TM9SF4: variants seen among roughly 807,000 people sequenced by gnomAD.
TM9SF4 encodes the protein dinucleotide oxidase disulfide thiol exchanger 3 superfamily member 4.
TM9SF4 carries 26 observed loss-of-function variants against 90.4 expected under a neutral mutation model. The ratio of observed to expected loss-of-function variants is 0.29; its 90% CI spans 0.21 to 0.40. The LOEUF (loss-of-function observed/expected upper bound fraction) is 0.40, where lower values mean the gene tolerates loss of function less well. TM9SF4 is among the 10% of genes least tolerant of loss of function. The pLI, the probability that TM9SF4 is intolerant of heterozygous loss-of-function variation, is 1.00. For missense variants in TM9SF4, 549 were observed against 834.8 expected (o/e 0.66, Z 4.22); for synonymous variants, 293 against 315.4 (o/e 0.93, Z 0.75).
intron 8 of TM9SF4, among the ~76,000 whole-genome samples, chr20:32,146,433 A>C (rs1386548273): frequency 6.6e-6 from 1 of 152,204 alleles, no homozygotes; most frequent in Non-Finnish European, 1.5e-5. Flanking sequence ...CCAGGAGCCA[A>C]CTGAAGCAGC....
intron 9 of TM9SF4, among the ~76,000 whole-genome samples, chr20:32,148,663 CTTT>C (rs1234035990): frequency 5.0e-5 from 6 of 120,134 alleles, no homozygotes; most frequent in Admixed American, 8.7e-5. Flanking sequence ...AATATTACAG[CTTT>C]TTTTTTTTTT....
rs1039806759 is a variant in TM9SF4, at chr20:32,122,841, G to A, written c.16-10172G>A. ...GCGGCTGGGAGGTGGAGGTTGTAGC[G>A]AGCCGAGATCACGCCACTTCACTCC... On this transcript the variant is annotated intron_variant, in intron 1 of 17. Transcript: ENST00000398022. Among the ~76,000 whole-genome samples the A allele has an allele frequency of 2.1e-3, 320 of 152,106 alleles. 2 individuals carry two copies. Among genetic ancestry groups the A allele is most frequent in the African/African-American group, 7.2e-3 (301 of 41,524 alleles).
At chr20:32,128,788 T>TTGTGTGTGTGTG (rs2046462106) in intron 1 of TM9SF4, among the ~76,000 whole-genome samples, 1 of 81,994 alleles carries the variant, frequency 1.2e-5, no homozygotes, top group Non-Finnish European at 2.3e-5. Flanking sequence ...GAGTATTCCA[T>TTGTGTGTGTGTG]TCTGTGTGTG....
At chr20:32,112,555 G>T (rs2046159473) in intron 1 of TM9SF4, among the ~76,000 whole-genome samples, 1 of 152,018 alleles carries the variant, frequency 6.6e-6, no homozygotes, top group African/African-American at 2.4e-5. Context: ...TTAGCAGGGT[G>T]TGGTGGCACA....
At chr20:32,159,648 A>C (rs2046984015) in intron 15 of TM9SF4, 2 of 242,292 alleles carry the variant, frequency 8.3e-6, no homozygotes, top group Non-Finnish European at 1.6e-5. Context: ...ACATGTAGCA[A>C]TTGTATATGA....
intron 13 of TM9SF4, among the ~76,000 whole-genome samples, chr20:32,156,818 G>T (rs1438001333): frequency 6.6e-6 from 1 of 151,918 alleles, no homozygotes; most frequent in African/African-American, 2.4e-5. Context: ...TGTTGCCTAG[G>T]CTGGTCTCAA....
chr20:32,145,631 G>C (rs1181861867), intron 8 of TM9SF4, among the ~76,000 whole-genome samples: 1 of 152,166 alleles, frequency 6.6e-6, no homozygotes, highest in Non-Finnish European at 1.5e-5. Context: ...CTCATTCATG[G>C]AGGACAGACA....
At chr20:32,134,255 C>T (rs758254818) in intron 2 of TM9SF4, among the ~76,000 whole-genome samples, 60 of 152,232 alleles carry the variant, frequency 3.9e-4, no homozygotes, top group Middle Eastern at 3.4e-3. Flanking sequence ...TGAGGGTGGA[C>T]GCCTTGGGTG....
chr20:32,133,388 A>T (rs1271723127), intron 2 of TM9SF4, among the ~76,000 whole-genome samples: 1 of 151,902 alleles, frequency 6.6e-6, no homozygotes, highest in Non-Finnish European at 1.5e-5. Flanking sequence ...GCTTTCAAGT[A>T]TTCTGTCTCT....
chr20:32,160,166 C>T (rs553563017), intron 16 of TM9SF4, 55 bp downstream of exon 16: 92 of 1,611,278 alleles, frequency 5.7e-5, no homozygotes, highest in Middle Eastern at 1.7e-4. Context: ...CAGCATTGAA[C>T]GGGTTGATGA....
chr20:32,126,357 A>G (rs1323772540), intron 1 of TM9SF4, among the ~76,000 whole-genome samples: 2 of 152,208 alleles, frequency 1.3e-5, no homozygotes, highest in Non-Finnish European at 2.9e-5. Flanking sequence ...ATTAAACTTT[A>G]AGAAGCACCA....
intron 16 of TM9SF4, 132 bp downstream of exon 16, chr20:32,160,243 C>A: frequency 2.2e-6 from 3 of 1,340,284 alleles, no homozygotes; most frequent in Non-Finnish European, 2.0e-6. Flanking sequence ...AGCTCTTGGG[C>A]CAGTACGTTG....
At chr20:32,143,744 A>G (rs764806399) in intron 6 of TM9SF4, among the ~76,000 whole-genome samples, 5 of 148,250 alleles carry the variant, frequency 3.4e-5, no homozygotes, top group Middle Eastern at 3.2e-3. Flanking sequence ...TTTTTTTTCC[A>G]CTGTGGAACT....
At chr20:32,124,495 C>A (rs1448358784) in intron 1 of TM9SF4, among the ~76,000 whole-genome samples, 1 of 152,204 alleles carries the variant, frequency 6.6e-6, no homozygotes, top group Non-Finnish European at 1.5e-5. Flanking sequence ...ACTGGACTTA[C>A]TTCACTTTGC....
intron 1 of TM9SF4, among the ~76,000 whole-genome samples, chr20:32,115,807 C>A (rs10432763): frequency 1.1e-5 from 1 of 95,166 alleles, no homozygotes; most frequent in Non-Finnish European, 1.9e-5. Flanking sequence ...CCACTTTAAG[C>A]TTTTTTTTTT....
In TM9SF4 at chr20:32,141,517, C is replaced by T; in HGVS notation, c.250C>T (p.Arg84Trp). ...GGCAGGAGAGGTGCTGAGAGGGGACCGGATTGTCAACACCCCTTTCCAGGT... is the reference window on the plus strand; with the variant it reads ...GGCAGGAGAGGTGCTGAGAGGGGACTGGATTGTCAACACCCCTTTCCAGGT... ...ENLGEVLRGD[R>W]IVNTPFQVLM... is the part of the protein sequence containing the mutation. Residue 84 changes from arginine to tryptophan, a missense_variant, in exon 4 of 18, where the codon CGG becomes TGG. Arg to Trp is a moderately radical substitution (Grantham distance 101). Transcript: ENST00000398022. The T allele has an allele frequency of 6.2e-7, 1 of 1,613,958 alleles. No individual in the cohort carries two copies. The highest frequency in any genetic ancestry group is 8.5e-7 in the Non-Finnish European group (1 of 1,179,996).
chr20:32,145,360 A>T lies in TM9SF4; in HGVS notation c.820A>T (p.Ser274Cys). 1 of 1,614,122 alleles carries T rather than the reference A, an allele frequency of 6.2e-7. No homozygotes were observed. Residue 274 changes from serine (S) to cysteine (C), a missense_variant, in exon 8 of 18, where the codon AGT becomes TGT. By Grantham distance (112) the Ser-to-Cys change is moderately radical. Around this residue, in one of 2 missense-constraint regions of TM9SF4, gnomAD observed 495 missense variants for 711.7 expected, o/e 0.70. Coordinates refer to ENST00000398022, the MANE Select transcript of TM9SF4 (RefSeq NM_014742.4). ...TCGCTGGGACACTTACCTGACCATG[A>T]GTGACGTCCAGATCCACTGGTTTTC... Reference protein sequence around the residue: ...ASRWDTYLTMSDVQIHWFSII... With the variant: ...ASRWDTYLTMCDVQIHWFSII...
chr20:32,128,608 G>A (rs1314742199), intron 1 of TM9SF4, among the ~76,000 whole-genome samples: 3 of 152,106 alleles, frequency 2.0e-5, no homozygotes, highest in Non-Finnish European at 4.4e-5. Flanking sequence ...AGCCTCCAAT[G>A]TTATTATTCC....
chr20:32,160,102 G>T lies in TM9SF4; in HGVS notation c.1680G>T (p.Leu560=). 1 of 1,614,206 alleles carries T rather than the reference G, an allele frequency of 6.2e-7. No homozygotes were observed. The highest frequency in any genetic ancestry group is 1.1e-5 in the South Asian group (1 of 91,084). The change falls in exon 16 of 18, where the codon CTG becomes CTT. Residue 560 remains leucine, a synonymous_variant. Transcript: ENST00000398022. ...QISIVMVYFQ[L]CAEDYRWWWR... ...GCATCGTCATGGTGTACTTCCAGCT[G>T]TGTGCAGAGGTGAGGAGAGCAGGGC...
Sources: allele counts gnomAD v4.1 joint callset (sites outside exome capture counted in the v4.1 genomes callset), GRCh38; gene constraint gnomAD v4.1.1; regional missense constraint gnomAD v4.1.1; transcripts MANE v1.5; gene names NCBI Gene and HGNC (gene_info 2026-07-23, HGNC 2026-07-21).